ADGRG2: variants seen among roughly 807,000 people sequenced by gnomAD.
ADGRG2 encodes the protein G protein-coupled receptor 64.
A neutral mutation model predicts 74.1 loss-of-function variants in ADGRG2; 26 were observed. The observed-to-expected ratio is 0.35, with a 90% CI of 0.26 to 0.49. ADGRG2 has a LOEUF of 0.49. Ranked by LOEUF, ADGRG2 falls within the 20% of genes least tolerant of loss-of-function variation. The pLI, the probability that ADGRG2 is intolerant of heterozygous loss-of-function variation, is 0.99. For missense variants in ADGRG2, 619 were observed against 763.1 expected (o/e 0.81, Z 2.22); for synonymous variants, 296 against 295.2 (o/e 1.00, Z -0.03).
At chrX:19,016,054 A>G (rs985792857) in intron 15 of ADGRG2, among the ~76,000 whole-genome samples, 1 of 110,965 alleles carries the variant, frequency 9.0e-6, no homozygotes, top group Non-Finnish European at 1.9e-5. Context: ...GTACATCTGA[A>G]CCCCTCAGAG....
intron 1 of ADGRG2, among the ~76,000 whole-genome samples, chrX:19,101,600 C>G (rs1482726980): frequency 9.1e-6 from 1 of 109,407 alleles, no homozygotes; most frequent in African/African-American, 3.3e-5. Flanking sequence ...ACTTGGGAGG[C>G]TGAGATGGGA....
intron 8 of ADGRG2, chrX:19,031,969 T>C (rs2060835006): frequency 8.9e-6 from 1 of 112,529 alleles, no homozygotes; most frequent in Admixed American, 9.4e-5. Context: ...AAAAACTTGT[T>C]ATATTAAGAA....
chrX:19,104,178 C>T (rs1211684097), intron 1 of ADGRG2, among the ~76,000 whole-genome samples: 3 of 110,495 alleles, frequency 2.7e-5, no homozygotes, highest in African/African-American at 9.9e-5. Context: ...AGAAGGACTC[C>T]TCATCCCAAG....
At chrX:18,991,606 C>T (rs1331113635) in intron 28 of ADGRG2, among the ~76,000 whole-genome samples, 2 of 112,068 alleles carry the variant, frequency 1.8e-5, no homozygotes, top group African/African-American at 3.2e-5. Context: ...TAAATCAGGA[C>T]AGGACAAATT....
intron 1 of ADGRG2, among the ~76,000 whole-genome samples, chrX:19,086,301 T>C (rs1251156618): frequency 9.0e-6 from 1 of 111,146 alleles, no homozygotes; most frequent in Non-Finnish European, 1.9e-5. Context: ...ATGTAAGACA[T>C]GGCACGGAAC....
rs141720643 is a variant in ADGRG2 at position 19,065,058 on chromosome X, C to T, written c.118+3659G>A. Among the ~76,000 whole-genome samples, 998 of 108,195 alleles carry T rather than the reference C, an allele frequency of 9.2e-3. 16 individuals are homozygous for T. The highest frequency in any genetic ancestry group is 0.032 in the African/African-American group (954 of 29,591). The allele number at this position is 108,195 out of a possible 115,157, so 94.0% of individuals were successfully genotyped here. A position where few individuals can be genotyped will look rare whatever the true frequency, so the allele number is the denominator to read the frequency against. ...AGCAAGGTGGGAGCATCACTTGAGCCCAGGAATTCGAGACCACCCTGGGCA... is the reference window on the plus strand; with the variant it reads ...AGCAAGGTGGGAGCATCACTTGAGCTCAGGAATTCGAGACCACCCTGGGCA... On this transcript the variant is annotated intron_variant, in intron 3 of 28. Transcript: ENST00000379869.
intron 3 of ADGRG2, among the ~76,000 whole-genome samples, chrX:19,065,261 CAAAA>C (rs749063279): frequency 1.4e-3 from 16 of 11,126 alleles, no homozygotes; most frequent in African/African-American, 4.7e-3. Context: ...GATCCTGTCT[CAAAA>C]AAAAAAAAAA....
rs745348935 is a variant in ADGRG2 at position 19,110,717 on chromosome X, A to C, written c.-47+11725T>G. ...AAACAAAAAACAAACAAAAAAAAAA[A>C]ACAAAAAAACAGAAGATAAAGTAGA... On this transcript the variant is annotated intron_variant, in intron 1 of 28. Transcript: ENST00000379869. 1.7e-3 allele frequency among the ~76,000 whole-genome samples: 183 copies of C among 110,102 alleles called. 2 individuals carry two copies. Among genetic ancestry groups the C allele is most frequent in the African/African-American group, 5.7e-3 (171 of 30,239 alleles).
At chrX:19,066,504 G>T (rs1475099133) in intron 3 of ADGRG2, among the ~76,000 whole-genome samples, 1 of 85,248 alleles carries the variant, frequency 1.2e-5, no homozygotes, top group Non-Finnish European at 2.1e-5. Context: ...CACCCAAGCT[G>T]GACTGCACTG....
intron 3 of ADGRG2, among the ~76,000 whole-genome samples, chrX:19,045,294 G>GTTGTTATTA (rs1555900997): frequency 2.1e-5 from 2 of 95,381 alleles, no homozygotes; most frequent in African/African-American, 7.7e-5. Context: ...GGGGGGTGTT[G>GTTGTTATTA]TTATTATTAT....
chrX:19,001,616 G>C (rs1215475469), intron 24 of ADGRG2, among the ~76,000 whole-genome samples: 3 of 111,901 alleles, frequency 2.7e-5, no homozygotes, highest in African/African-American at 9.7e-5. Context: ...TCCGTGCCCA[G>C]TATCTGGAGC....
intron 3 of ADGRG2, among the ~76,000 whole-genome samples, chrX:19,052,983 C>G (rs2061349907): frequency 8.9e-6 from 1 of 112,044 alleles, no homozygotes; most frequent in African/African-American, 3.2e-5. Flanking sequence ...GCATGAGCCA[C>G]TGCACCCGGC....
chrX:19,099,972 C>T (rs953378920), intron 1 of ADGRG2, among the ~76,000 whole-genome samples: 3 of 111,405 alleles, frequency 2.7e-5, no homozygotes, highest in African/African-American at 9.8e-5. Flanking sequence ...GAGGTTGAGG[C>T]TGCAGTGAGC....
chrX:19,006,356 T>G, intron 20 of ADGRG2, 91 bp from the exon 21 acceptor site: 1 of 645,263 alleles, frequency 1.5e-6, no homozygotes, highest in Non-Finnish European at 2.4e-6. Flanking sequence ...GAAAAAAAAC[T>G]GTGGTTTTTT....
intron 9 of ADGRG2, among the ~76,000 whole-genome samples, chrX:19,028,644 C>T (rs2060757581): frequency 9.1e-6 from 1 of 109,636 alleles, no homozygotes; most frequent in Admixed American, 9.8e-5. Context: ...CTAACGACAA[C>T]TGATGAGCTA....
At position 19,028,762 on chromosome X, in the gene ADGRG2, C is replaced by T. The variant is rs373260045; in HGVS notation, c.359-524G>A. Among the ~76,000 whole-genome samples the T allele has an allele frequency of 9.0e-5, 10 of 111,701 alleles. No individual in the cohort carries two copies. In the East Asian group the frequency reaches 2.8e-3, roughly 31 times the overall value. On this transcript the variant is annotated intron_variant, in intron 9 of 28. Coordinates refer to ENST00000379869, the MANE Select transcript of ADGRG2 (RefSeq NM_001079858.3). Reference sequence around the variant, plus strand: ...TGCGCCGCATGTGGCCCATGGGCCGCAGTTGAACAAGCTTGATCTCGTGAG... The same window carrying T: ...TGCGCCGCATGTGGCCCATGGGCCGTAGTTGAACAAGCTTGATCTCGTGAG...
chrX:19,060,238 G>A (rs2061468148), intron 3 of ADGRG2, among the ~76,000 whole-genome samples: 1 of 112,841 alleles, frequency 8.9e-6, no homozygotes, highest in African/African-American at 3.2e-5. Flanking sequence ...TTTGCCAGTC[G>A]GCAAGAGCCA....
intron 15 of ADGRG2, among the ~76,000 whole-genome samples, chrX:19,014,352 A>G (rs1020745237): frequency 9.0e-5 from 10 of 111,318 alleles, no homozygotes; most frequent in African/African-American, 3.3e-4. Context: ...TCTGTGTCTC[A>G]TGGTCACTCA....
intron 1 of ADGRG2, among the ~76,000 whole-genome samples, chrX:19,122,170 C>T (rs1393025214): frequency 8.9e-6 from 1 of 112,759 alleles, no homozygotes; most frequent in Admixed American, 9.2e-5. Flanking sequence ...CGCGCGTCTC[C>T]CCTTGGAGCC....
Sources: gnomAD v4.1 joint callset for allele counts (sites outside exome capture counted in the v4.1 genomes callset) on GRCh38, gnomAD v4.1.1 for gene constraint, MANE v1.5 for transcripts, NCBI Gene and HGNC (gene_info 2026-07-23, HGNC 2026-07-21) for gene names.